Variants in DPF3 observed in about 807,000 individuals in gnomAD.
The protein encoded by DPF3 is zinc finger protein DPF3.
Under a neutral mutation model 56.8 loss-of-function variants are expected in DPF3, and 18 were observed. That is an observed-to-expected ratio of 0.32 (90% CI 0.22 to 0.47). DPF3 has a LOEUF of 0.47. DPF3 is among the 20% of genes least tolerant of loss of function. The probability of loss-of-function intolerance (pLI) is 1.00; values close to 1 mark genes in which losing one functional copy is unlikely to be tolerated. For missense variants in DPF3, 403 were observed against 488.8 expected (o/e 0.82, Z 1.65); for synonymous variants, 188 against 180.2 (o/e 1.04, Z -0.35).
chr14:72,826,144 A>G (rs1026023428), intron 1 of DPF3, among the ~76,000 whole-genome samples: 3 of 152,180 alleles, frequency 2.0e-5, no homozygotes, highest in East Asian at 3.8e-4. Flanking sequence ...GGACATGTGG[A>G]GAGAAAGTTG....
At chr14:72,724,178 T>C (rs1889296658) in intron 4 of DPF3, 1 of 154,882 alleles carries the variant, frequency 6.5e-6, no homozygotes, top group Non-Finnish European at 1.4e-5. Context: ...TTCCTGTTCA[T>C]CTGACCAGAT....
rs1253199790 is a variant in DPF3, at chr14:72,610,136, C to A, written c.*9161G>T. On this transcript the variant is annotated 3_prime_UTR_variant, in exon 11 of 11. Coordinates refer to ENST00000556509, the MANE Select transcript of DPF3 (RefSeq NM_001280542.3). Reference sequence around the variant, plus strand: ...TAAAATGTTGCAGTGGCTTCCCTCTCTGGTGCCCATACCTGGAAGAAGCAA... The same window carrying A: ...TAAAATGTTGCAGTGGCTTCCCTCTATGGTGCCCATACCTGGAAGAAGCAA... Among the ~76,000 whole-genome samples the A allele has an allele frequency of 6.6e-6, 1 of 152,246 alleles. No individual in the cohort carries two copies. Among genetic ancestry groups the A allele is most frequent in the African/African-American group, 2.4e-5 (1 of 41,458 alleles).
rs774402912 is a variant in DPF3 at position 72,645,671 on chromosome 14, C to A, written c.872-15935G>T. ...GAAGTAAGCTTCTTAGCATTGCAAG[C>A]CTCTTTGCTGTCTGGCCACAGCTGC... is the stretch of plus-strand genomic sequence containing the variant. On this transcript the variant is annotated intron_variant, in intron 8 of 10. Coordinates refer to ENST00000556509, the MANE Select transcript of DPF3 (RefSeq NM_001280542.3). 1.0e-3 allele frequency among the ~76,000 whole-genome samples: 159 copies of A among 152,106 alleles called. 4 individuals carry two copies. Among genetic ancestry groups the A allele is most frequent in the Admixed American group, 7.2e-4 (11 of 15,272 alleles).
intron 1 of DPF3, among the ~76,000 whole-genome samples, chr14:72,784,145 C>T (rs1316376339): frequency 6.6e-6 from 1 of 152,106 alleles, no homozygotes; most frequent in Non-Finnish European, 1.5e-5. Context: ...CTCATTTCAC[C>T]CGCCGCAAAG....
At chr14:72,654,194 G>T (rs972299288) in intron 8 of DPF3, among the ~76,000 whole-genome samples, 6 of 152,168 alleles carry the variant, frequency 3.9e-5, no homozygotes, top group Non-Finnish European at 8.8e-5. Flanking sequence ...ACTCCCCCCA[G>T]CAGCCTGGGA....
chr14:72,856,898 G>A, intron 1 of DPF3, among the ~76,000 whole-genome samples: 1 of 152,200 alleles, frequency 6.6e-6, no homozygotes, highest in East Asian at 1.9e-4. Flanking sequence ...TATGAAATGT[G>A]GGGCGAGGAC....
chr14:72,861,572 A>G (rs1275111154), intron 1 of DPF3, among the ~76,000 whole-genome samples: 5 of 152,076 alleles, frequency 3.3e-5, no homozygotes, highest in Non-Finnish European at 7.4e-5. Flanking sequence ...GTGACCTCCT[A>G]TGTGAGTGCT....
rs549620565 is a variant in DPF3 at position 72,809,671 on chromosome 14, A to G, written c.33-37778T>C. On this transcript the variant is annotated intron_variant, in intron 1 of 10. Coordinates refer to ENST00000556509, the MANE Select transcript of DPF3 (RefSeq NM_001280542.3). ...CTGGGCTCCACAGGCAGTGATTCTCAGCCCTGCTTGTCACTGGGAGCTGGT... is the reference window on the plus strand; with the variant it reads ...CTGGGCTCCACAGGCAGTGATTCTCGGCCCTGCTTGTCACTGGGAGCTGGT... Among the ~76,000 whole-genome samples the G allele has an allele frequency of 2.0e-5, 3 of 152,332 alleles. No individual in the cohort carries two copies. The East Asian group carries it at 5.8e-4, about 29-fold the overall frequency.
intron 4 of DPF3, among the ~76,000 whole-genome samples, chr14:72,726,622 A>G (rs1170717965): frequency 6.6e-6 from 1 of 152,178 alleles, no homozygotes; most frequent in African/African-American, 2.4e-5. Flanking sequence ...AGTTTCTAAC[A>G]AACAAAGCTT....
intron 5 of DPF3, among the ~76,000 whole-genome samples, chr14:72,723,192 CT>C: frequency 6.6e-6 from 1 of 152,176 alleles, no homozygotes; most frequent in African/African-American, 2.4e-5. Flanking sequence ...CCCCCAGCCC[CT>C]ATCTCACAAC....
chr14:72,705,941 A>G (rs955932051), intron 6 of DPF3, among the ~76,000 whole-genome samples: 11 of 152,000 alleles, frequency 7.2e-5, no homozygotes, highest in African/African-American at 2.4e-4. Context: ...GAGAGAGAGA[A>G]AAAAAAAGAG....
chr14:72,717,877 C>T (rs1454733205), intron 5 of DPF3, among the ~76,000 whole-genome samples: 1 of 152,204 alleles, frequency 6.6e-6, no homozygotes, highest in Non-Finnish European at 1.5e-5. Context: ...CTTCATTCCT[C>T]TCTACCAGTA....
intron 6 of DPF3, among the ~76,000 whole-genome samples, chr14:72,712,225 G>A (rs1366770972): frequency 2.0e-5 from 3 of 152,166 alleles, no homozygotes; most frequent in Non-Finnish European, 4.4e-5. Context: ...CTGCGGGGAG[G>A]GCATCGAGAG....
chr14:72,714,342 A>T, intron 6 of DPF3, 81 bp downstream of exon 6: 1 of 1,558,536 alleles, frequency 6.4e-7, no homozygotes, highest in Non-Finnish European at 8.8e-7. Flanking sequence ...TGGCAGGCGG[A>T]TGGCCAAGGA....
At chr14:72,762,561 A>G in intron 2 of DPF3, among the ~76,000 whole-genome samples, 1 of 151,902 alleles carries the variant, frequency 6.6e-6, no homozygotes, top group East Asian at 1.9e-4. Context: ...AAAAAAAAAA[A>G]CTCTCAAACT....
chr14:72,804,122 G>A (rs1892993303), intron 1 of DPF3, among the ~76,000 whole-genome samples: 1 of 151,584 alleles, frequency 6.6e-6, no homozygotes, highest in African/African-American at 2.4e-5. Context: ...GGATGAGTGG[G>A]TAGGAATCCA....
At chr14:72,787,196 C>CTCT (rs1892245506) in intron 1 of DPF3, among the ~76,000 whole-genome samples, 1 of 152,252 alleles carries the variant, frequency 6.6e-6, no homozygotes, top group East Asian at 1.9e-4. Flanking sequence ...CTTTCCTCCC[C>CTCT]AGAAAGTGAT....
intron 4 of DPF3, among the ~76,000 whole-genome samples, chr14:72,727,971 A>G (rs150086117): frequency 4.2e-4 from 64 of 152,274 alleles, no homozygotes; most frequent in African/African-American, 1.5e-3. Context: ...GCAGACCTTC[A>G]GTTTACATAG....
At chr14:72,628,936 T>G (rs1885004771) in intron 9 of DPF3, among the ~76,000 whole-genome samples, 1 of 152,228 alleles carries the variant, frequency 6.6e-6, no homozygotes, top group African/African-American at 2.4e-5. Context: ...TAAGTTTATA[T>G]GCACCTACAG....
Sources: gnomAD v4.1 joint callset for allele counts (sites outside exome capture counted in the v4.1 genomes callset) on GRCh38, gnomAD v4.1.1 for gene constraint, MANE v1.5 for transcripts, NCBI Gene and HGNC (gene_info 2026-07-23, HGNC 2026-07-21) for gene names.